Variants in ENTPD3 observed in about 807,000 individuals in gnomAD.
ENTPD3 encodes the protein ectonucleoside triphosphate diphosphohydrolase 3.
Under a neutral mutation model 51.2 loss-of-function variants are expected in ENTPD3, and 60 were observed. The observed-to-expected ratio is 1.17, with a 90% CI of 0.95 to 1.45. The LOEUF (loss-of-function observed/expected upper bound fraction) is 1.45. Among genes scored for constraint, ENTPD3 ranks in the 40% most tolerant of loss-of-function variants. The pLI, the probability that ENTPD3 is intolerant of heterozygous loss-of-function variation, is 0.00. For synonymous variants in ENTPD3, 221 were observed against 238.4 expected, an observed-to-expected ratio of 0.93 and a Z score of 0.67; for missense variants, 593 against 641.1, an observed-to-expected ratio of 0.93 and a Z score of 0.81.
intron 7 of ENTPD3, 103 bp from the exon 8 acceptor site, chr3:40,422,747 C>T: frequency 1.0e-6 from 1 of 967,668 alleles, no homozygotes; most frequent in Non-Finnish European, 1.5e-6. Context: ...TTTCTTAATC[C>T]AGTCTATCAC....
At chr3:40,396,488 T>C (rs950007044) in intron 3 of ENTPD3, among the ~76,000 whole-genome samples, 1 of 152,226 alleles carries the variant, frequency 6.6e-6, no homozygotes, top group African/African-American at 2.4e-5. Context: ...CAGAGGACTC[T>C]CATGCAAGGT....
chr3:40,408,563 T>C (rs1052033939), intron 4 of ENTPD3, among the ~76,000 whole-genome samples: 1 of 152,252 alleles, frequency 6.6e-6, no homozygotes, highest in Non-Finnish European at 1.5e-5. Context: ...GTTGTTTTTG[T>C]TGGCTTTATT....
chr3:40,391,702 GA>G (rs1955059643), intron 2 of ENTPD3: 1 of 325,752 alleles, frequency 3.1e-6, no homozygotes, highest in Non-Finnish European at 5.5e-6. Context: ...AAAAGAAAAA[GA>G]AAAAAGTAAA....
chr3:40,394,583 G>A (rs539918051), intron 3 of ENTPD3, among the ~76,000 whole-genome samples: 1 of 152,218 alleles, frequency 6.6e-6, no homozygotes, highest in Non-Finnish European at 1.5e-5. Context: ...GGTTTGGTCA[G>A]TGAATGACAG....
intron 4 of ENTPD3, among the ~76,000 whole-genome samples, chr3:40,408,582 G>T (rs889257290): frequency 2.0e-5 from 3 of 152,170 alleles, no homozygotes; most frequent in African/African-American, 7.2e-5. Context: ...TTGGCATTTT[G>T]GAGAGAAAAA....
intron 2 of ENTPD3, chr3:40,391,757 G>GA (rs1955060806): frequency 2.2e-6 from 1 of 463,380 alleles, no homozygotes; most frequent in Non-Finnish European, 3.8e-6. Context: ...CAAAATATCA[G>GA]AAAACTAGAC....
chr3:40,396,634 G>A (rs1559508576), intron 3 of ENTPD3, among the ~76,000 whole-genome samples: 1 of 152,140 alleles, frequency 6.6e-6, no homozygotes, highest in Non-Finnish European at 1.5e-5. Flanking sequence ...TGCTCCACAA[G>A]CTTGAAGAGT....
At chr3:40,400,631 G>GA (rs1445176550) in intron 3 of ENTPD3, among the ~76,000 whole-genome samples, 11 of 151,850 alleles carry the variant, frequency 7.2e-5, no homozygotes, top group African/African-American at 2.4e-4. Context: ...GGCATTGGGG[G>GA]ATTTTTTAAG....
intron 4 of ENTPD3, among the ~76,000 whole-genome samples, chr3:40,408,152 C>T (rs1955546577): frequency 6.6e-6 from 1 of 152,152 alleles, no homozygotes; most frequent in Admixed American, 6.5e-5. Flanking sequence ...TCTTAAAAAA[C>T]ATCCAAATGC....
intron 3 of ENTPD3, among the ~76,000 whole-genome samples, chr3:40,396,060 G>A (rs1575210049): frequency 6.6e-6 from 1 of 152,186 alleles, no homozygotes; most frequent in Non-Finnish European, 1.5e-5. Flanking sequence ...TCAGCAGGCA[G>A]TTCAAAGAGG....
At position 40,423,697 on chromosome 3, in the gene ENTPD3, G is replaced by A. The variant is rs1955928641; in HGVS notation, c.1216-129G>A. ...AATTATATTGTGTGATTATATGATT[G>A]TATTATAAAGTATTTTCTATTATGA... On this transcript the variant is annotated intron_variant, in intron 9 of 10. Coordinates refer to ENST00000301825, the MANE Select transcript of ENTPD3 (RefSeq NM_001248.4). 6.9e-6 allele frequency: 7 copies of A among 1,021,716 alleles called. No individual in the cohort carries two copies. In the Admixed American group the frequency reaches 1.2e-4, roughly 18 times the overall value. 63.3% of individuals were successfully genotyped at this position (1,021,716 alleles called of 1,614,324 possible).
intron 3 of ENTPD3, among the ~76,000 whole-genome samples, chr3:40,397,697 C>G (rs1955240452): frequency 6.6e-6 from 1 of 152,260 alleles, no homozygotes; most frequent in African/African-American, 2.4e-5. Flanking sequence ...TTAGACAGAT[C>G]ACACAATCCT....
At chr3:40,420,900 A>C (rs1417329389) in intron 7 of ENTPD3, among the ~76,000 whole-genome samples, 1 of 152,022 alleles carries the variant, frequency 6.6e-6, no homozygotes, top group East Asian at 1.9e-4. Context: ...CACACCTGTA[A>C]TCCTAGCACT....
At position 40,415,862 on chromosome 3, in the gene ENTPD3, T is replaced by C. The variant is rs745940012; in HGVS notation, c.620T>C (p.Val207Ala). ...CAGAAGAACCTGTGGCACATGTGGG[T>C]GCACCCGCATGGAGTGGAAACCACG... is the stretch of plus-strand genomic sequence containing the variant. ...FLEKNLWHMWVHPHGVETTGA... is the reference protein window; with the variant it reads ...FLEKNLWHMWAHPHGVETTGA... Residue 207 changes from valine (V) to alanine (A), a missense_variant, in exon 7 of 11, where the codon GTG becomes GCG. Val to Ala is a moderately conservative substitution (Grantham distance 64). Coordinates refer to ENST00000301825, the MANE Select transcript of ENTPD3 (RefSeq NM_001248.4). The C allele has an allele frequency of 2.5e-6, 4 of 1,613,928 alleles. No individual in the cohort carries two copies. The African/African-American group carries it at 5.3e-5, about 22-fold the overall frequency.
chr3:40,427,716 A>G lies in ENTPD3; in HGVS notation c.*208A>G. On this transcript the variant is annotated 3_prime_UTR_variant, in exon 11 of 11. Transcript: ENST00000301825. ...GTGCATATTGTTCTTCAGAGACCTC[A>G]CTACCCACATGCTGATCTATTGGGG... The G allele has an allele frequency of 1.7e-6, 1 of 577,656 alleles. No homozygotes were observed. Among genetic ancestry groups the G allele is most frequent in the East Asian group, 2.9e-5 (1 of 34,456 alleles). 35.8% of individuals were successfully genotyped at this position (577,656 alleles called of 1,614,324 possible).
At position 40,400,571 on chromosome 3, in the gene ENTPD3, C is replaced by T. The variant is rs567822903; in HGVS notation, c.169-323C>T. Among the ~76,000 whole-genome samples the T allele has an allele frequency of 2.8e-4, 43 of 152,242 alleles. 1 individual carries two copies. The South Asian group carries it at 8.3e-3, about 29-fold the overall frequency. On this transcript the variant is annotated intron_variant, in intron 3 of 10. Transcript: ENST00000301825. ...TGGGACTTTTAAAACCTGTTGATGC[C>T]TGAGTCCACTCTCAGAGATTCTGAT... is the stretch of plus-strand genomic sequence containing the variant.
chr3:40,400,862 C>T (rs1485451112), intron 3 of ENTPD3, 32 bp from the exon 4 acceptor site: 1 of 1,561,276 alleles, frequency 6.4e-7, no homozygotes, highest in African/African-American at 1.4e-5. Context: ...GAGTCCCGCC[C>T]ATTCTGACTC....
At position 40,414,779 on chromosome 3, in the gene ENTPD3, G is replaced by A. The variant is rs746775333; in HGVS notation, c.536G>A (p.Gly179Glu). The A allele has an allele frequency of 6.8e-6, 11 of 1,613,978 alleles. No homozygotes were observed. The highest frequency in any genetic ancestry group is 1.7e-4 in the Middle Eastern group (1 of 6,060). Residue 179 changes from glycine (G) to glutamate (E), a missense_variant, in exon 6 of 11, where the codon GGG becomes GAG. Gly to Glu is a moderately conservative substitution (Grantham distance 98). Transcript: ENST00000301825. ...FDFRGAQIIS[G>E]QEEGVYGWIT... ...TTTAGGGGTGCTCAAATCATTTCTGGGCAAGAAGAAGGGGTATATGGATGG... is the reference window on the plus strand; with the variant it reads ...TTTAGGGGTGCTCAAATCATTTCTGAGCAAGAAGAAGGGGTATATGGATGG...
intron 4 of ENTPD3, among the ~76,000 whole-genome samples, chr3:40,403,652 A>AT (rs1489728246): frequency 3.4e-4 from 45 of 130,744 alleles, no homozygotes; most frequent in African/African-American, 1.2e-3. Flanking sequence ...ATTTTCCTTT[A>AT]ATTTTTTTTT....
Sources: allele counts gnomAD v4.1 joint callset (sites outside exome capture counted in the v4.1 genomes callset), GRCh38; gene constraint gnomAD v4.1.1; transcripts MANE v1.5; gene names NCBI Gene and HGNC (gene_info 2026-07-23, HGNC 2026-07-21).